Variants in CTNND1 observed in about 807,000 individuals in gnomAD.
CTNND1 encodes catenin delta 1, also known as catenin delta-1.
Under a neutral mutation model 112.1 loss-of-function variants are expected in CTNND1, and 16 were observed. The observed-to-expected ratio is 0.14, with a 90% CI of 0.10 to 0.22. The LOEUF (loss-of-function observed/expected upper bound fraction) is 0.22. CTNND1 is among the 10% of genes least tolerant of loss of function. The pLI, the probability that CTNND1 is intolerant of heterozygous loss-of-function variation, is 1.00. For synonymous variants in CTNND1, 420 were observed against 446.5 expected (o/e 0.94, Z 0.75); for missense variants, 1,008 against 1,257.0 (o/e 0.80, Z 3.00).
At chr11:57,798,482 CTT>C (rs1426745533) in intron 6 of CTNND1, among the ~76,000 whole-genome samples, 1 of 151,928 alleles carries the variant, frequency 6.6e-6, no homozygotes, top group Non-Finnish European at 1.5e-5. Context: ...TAAAAACAAA[CTT>C]TGACCTCACA....
At position 57,791,567 on chromosome 11, in the gene CTNND1, T is replaced by G; in HGVS notation, c.89T>G (p.Leu30Arg). 6.2e-7 allele frequency: 1 copy of G among 1,611,248 alleles called. No individual in the cohort carries two copies. The highest frequency in any genetic ancestry group is 8.5e-7 in the Non-Finnish European group (1 of 1,178,830). Residue 30 changes from leucine to arginine, a missense_variant, in exon 3 of 21, where the codon CTG becomes CGG. Physicochemically the swap from Leu to Arg is moderately radical, Grantham distance 102. Around this residue, in one of 5 missense-constraint regions of CTNND1, gnomAD observed 404 missense variants for 457.9 expected, o/e 0.88. Transcript: ENST00000399050. ...EAQFEKLTRA[L>R]EEERRHVSAQ... ...CAGTTTGAGAAGCTGACCCGGGCGC[T>G]GGAGGAGGAACGGCGCCACGTCTCG...
rs1180654805 is a variant in CTNND1 at position 57,761,993 on chromosome 11, C to CGAAGCCTTGGGTTT, written c.-339_-326dup. On this transcript the variant is annotated 5_prime_UTR_variant, in exon 1 of 21. Transcript: ENST00000399050. ...GGATTTGTCTTTCTCAGCACCTTGG[C>CGAAGCCTTGGGTTT]GAAGCCTTGGGTTTCTTTCTTAAAG... The CGAAGCCTTGGGTTT allele has an allele frequency of 1.7e-5, 17 of 985,288 alleles. No individual in the cohort carries two copies. Among genetic ancestry groups the CGAAGCCTTGGGTTT allele is most frequent in the Non-Finnish European group, 1.9e-5 (16 of 829,954 alleles). The allele number at this position is 985,288 out of a possible 1,614,324, so 61.0% of individuals were successfully genotyped here. A position where few individuals can be genotyped will look rare whatever the true frequency, so the allele number is the denominator to read the frequency against.
At position 57,810,178 on chromosome 11, in the gene CTNND1, G is replaced by A; in HGVS notation, c.2505G>A (p.Leu835=). ...AGACAATCTGGGGATATAAGGAACT[G>A]CGGAAGCCACTGGAAAAAGAAGGAT... ...VLQTIWGYKE[L]RKPLEKEGWK... The change falls in exon 16 of 21, where the codon CTG becomes CTA. Residue 835 remains leucine (L), a synonymous_variant. Transcript: ENST00000399050. 2 of 1,612,744 alleles carry A rather than the reference G, an allele frequency of 1.2e-6. No homozygotes were observed. Among genetic ancestry groups the A allele is most frequent in the Middle Eastern group, 1.7e-4 (1 of 6,060 alleles).
At position 57,791,505 on chromosome 11, in the gene CTNND1, C is replaced by G; in HGVS notation, c.27C>G (p.Thr9=). The change falls in exon 3 of 21, where the codon ACC becomes ACG. Residue 9 remains threonine, a synonymous_variant. Coordinates refer to ENST00000399050, the MANE Select transcript of CTNND1 (RefSeq NM_001085458.2). ...TGGACGACTCAGAGGTGGAGTCGAC[C>G]GCCAGCATCTTGGCCTCTGTGAAGG... is the stretch of plus-strand genomic sequence containing the variant. MDDSEVES[T]ASILASVKEQ... 6.4e-7 allele frequency: 1 copy of G among 1,570,724 alleles called. No homozygotes were observed. Among genetic ancestry groups the G allele is most frequent in the South Asian group, 1.2e-5 (1 of 86,130 alleles).
At chr11:57,784,069 C>T (rs1407384040) in intron 1 of CTNND1, among the ~76,000 whole-genome samples, 1 of 151,644 alleles carries the variant, frequency 6.6e-6, no homozygotes, top group Non-Finnish European at 1.5e-5. Flanking sequence ...ACAGTGTGCA[C>T]CACCATGCCC....
chr11:57,791,616 C>G lies in CTNND1; in HGVS notation c.138C>G (p.Val46=). The change falls in exon 3 of 21, where the codon GTC becomes GTG. Residue 46 remains valine, a synonymous_variant. Coordinates refer to ENST00000399050, the MANE Select transcript of CTNND1 (RefSeq NM_001085458.2). The part of the protein sequence containing the change: ...HVSAQLERVR[V]SPQDANPLMA... ...CGGCGCAGCTGGAACGCGTCCGGGT[C>G]TCACCACAAGATGCCAACCCACTCA... is the stretch of plus-strand genomic sequence containing the variant. 1.9e-6 allele frequency: 3 copies of G among 1,606,968 alleles called. No individual in the cohort carries two copies. Among genetic ancestry groups the G allele is most frequent in the Non-Finnish European group, 2.5e-6 (3 of 1,176,666 alleles).
intron 1 of CTNND1, among the ~76,000 whole-genome samples, chr11:57,772,995 A>G (rs1388743023): frequency 1.3e-5 from 2 of 152,232 alleles, no homozygotes; most frequent in African/African-American, 2.4e-5. Context: ...GCCCTCAACC[A>G]AGAAACTTTT....
chr11:57,810,556 T>C (rs2063214245), intron 16 of CTNND1, among the ~76,000 whole-genome samples: 1 of 151,904 alleles, frequency 6.6e-6, no homozygotes, highest in Non-Finnish European at 1.5e-5. Flanking sequence ...TCTTGAACTC[T>C]GAGCTTAGGC....
At position 57,804,703 on chromosome 11, in the gene CTNND1, C is replaced by G; in HGVS notation, c.1645C>G (p.Arg549Gly). The change falls in exon 9 of 21, where the codon CGG becomes GGG. Residue 549 changes from arginine (R) to glycine (G), a missense_variant. Physicochemically the swap from Arg to Gly is moderately radical, Grantham distance 125 (BLOSUM62 -2). Around this residue, in one of 5 missense-constraint regions of CTNND1, gnomAD observed 216 missense variants for 342.8 expected, o/e 0.63. Transcript: ENST00000399050. ...GAGGAGTGAAGCTCGCCGGAAACTTCGGGAATGTGATGGTTTAGTTGATGC... is the reference window on the plus strand; with the variant it reads ...GAGGAGTGAAGCTCGCCGGAAACTTGGGGAATGTGATGGTTTAGTTGATGC... Reference protein sequence around the residue: ...SERSEARRKLRECDGLVDALI... With the variant: ...SERSEARRKLGECDGLVDALI... The G allele has an allele frequency of 6.2e-7, 1 of 1,613,876 alleles. No homozygotes were observed. The highest frequency in any genetic ancestry group is 8.5e-7 in the Non-Finnish European group (1 of 1,179,862).
rs201596085 is a variant in CTNND1, at chr11:57,791,502, G to C, written c.24G>C (p.Ser8=). The C allele has an allele frequency of 5.5e-4, 853 of 1,564,438 alleles. 1 individual carries two copies. The highest frequency in any genetic ancestry group is 7.2e-4 in the Non-Finnish European group (826 of 1,154,780). Reference sequence around the variant, plus strand: ...TCATGGACGACTCAGAGGTGGAGTCGACCGCCAGCATCTTGGCCTCTGTGA... The same window carrying C: ...TCATGGACGACTCAGAGGTGGAGTCCACCGCCAGCATCTTGGCCTCTGTGA... The part of the protein sequence containing the change: MDDSEVE[S]TASILASVKE... The change falls in exon 3 of 21, where the codon TCG becomes TCC. Residue 8 remains serine (S), a synonymous_variant. Transcript: ENST00000399050.
chr11:57,792,443 A>G (rs11570189), intron 3 of CTNND1, among the ~76,000 whole-genome samples: 3 of 151,748 alleles, frequency 2.0e-5, no homozygotes, highest in Non-Finnish European at 4.4e-5. Context: ...GTGCGCGCGC[A>G]CTCGCGCATG....
chr11:57,801,962 C>T lies in CTNND1; in HGVS notation c.1186C>T (p.Arg396Cys), dbSNP rs533993840. ...AAAYLQHLCY[R>C]NDKVKTDVRK... ...TGCATACCTGCAACACTTATGCTAC[C>T]GCAATGACAAGGTGAAGACTGACGT... is the stretch of plus-strand genomic sequence containing the variant. Residue 396 changes from arginine to cysteine, a missense_variant, in exon 7 of 21, where the codon CGC (arginine) becomes TGC (cysteine). Arg to Cys is a radical substitution (Grantham distance 180, BLOSUM62 -3). Coordinates refer to ENST00000399050, the MANE Select transcript of CTNND1 (RefSeq NM_001085458.2). The T allele has an allele frequency of 1.9e-6, 3 of 1,614,024 alleles. No individual in the cohort carries two copies. Among genetic ancestry groups the T allele is most frequent in the South Asian group, 1.1e-5 (1 of 91,084 alleles).
chr11:57,805,242 TTTTG>T (rs762882935), intron 9 of CTNND1, among the ~76,000 whole-genome samples: 126 of 151,358 alleles, frequency 8.3e-4, no homozygotes, highest in Non-Finnish European at 1.3e-3. Flanking sequence ...AAAACATGTT[TTTTG>T]TTTGTTTGTT....
rs1212201045 is a variant in CTNND1 at position 57,795,680 on chromosome 11, T to C, written c.371T>C (p.Val124Ala). ...EEDPEGAMSV[V>A]SVETSDDGTT... The stretch of plus-strand genomic sequence containing the variant: ...GATCCTGAGGGAGCCATGTCTGTAG[T>C]CTCTGTGGAGACCTCAGATGATGGG... The change falls in exon 5 of 21, where the codon GTC (valine) becomes GCC (alanine). Residue 124 changes from valine (V) to alanine (A), a missense_variant. By Grantham distance (64) the Val-to-Ala change is moderately conservative. Coordinates refer to ENST00000399050, the MANE Select transcript of CTNND1 (RefSeq NM_001085458.2). The C allele has an allele frequency of 1.9e-6, 3 of 1,609,362 alleles. No individual in the cohort carries two copies. The Admixed American group carries it at 5.1e-5, about 27-fold the overall frequency.
chr11:57,809,144 C>A, intron 14 of CTNND1, 130 bp from the exon 15 acceptor site: 1 of 643,052 alleles, frequency 1.6e-6, no homozygotes, highest in South Asian at 2.2e-5. Flanking sequence ...TATGATAATC[C>A]TATAGGATAA....
chr11:57,796,345 C>T lies in CTNND1; in HGVS notation c.421-112C>T, dbSNP rs546102331. ...AGGTTGCAGGTGAGCCGAGATCACG[C>T]CATTGCACTCCAGCCAGGGCAACAG... On this transcript the variant is annotated intron_variant, in intron 5 of 20. Coordinates refer to ENST00000399050, the MANE Select transcript of CTNND1 (RefSeq NM_001085458.2). 77 of 1,027,566 alleles carry T rather than the reference C, an allele frequency of 7.5e-5. No individual in the cohort carries two copies. In the Admixed American group the frequency reaches 1.2e-3, roughly 16 times the overall value. The allele number at this position is 1,027,566 out of a possible 1,614,324, so 63.7% of individuals were successfully genotyped here. A position where few individuals can be genotyped will look rare whatever the true frequency, so the allele number is the denominator to read the frequency against.
intron 11 of CTNND1, 175 bp from the exon 12 acceptor site, chr11:57,806,740 A>G (rs989556818): frequency 6.2e-6 from 4 of 642,336 alleles, no homozygotes; most frequent in South Asian, 5.9e-5. Context: ...CCTGTTTTCT[A>G]TCCTTGTTTC....
At chr11:57,815,852 C>A in intron 19 of CTNND1, 63 bp from the exon 20 acceptor site, 3 of 1,404,556 alleles carry the variant, frequency 2.1e-6, no homozygotes, top group Non-Finnish European at 3.0e-6. Flanking sequence ...GTTTCCCTAG[C>A]TCTGGCACAC....
In CTNND1 at chr11:57,775,131, T is replaced by C. The variant is rs1333673879; in HGVS notation, c.-214+13012T>C. Among the ~76,000 whole-genome samples the C allele has an allele frequency of 2.0e-5, 3 of 152,150 alleles. 1 individual carries two copies. The East Asian group carries it at 5.8e-4, about 29-fold the overall frequency. On this transcript the variant is annotated intron_variant, in intron 1 of 20. Transcript: ENST00000399050. ...CCTAGGTGATTCTGATCATTCACGT[T>C]TGAGGATCACAAAACCTGAATATTT...
Sources: gnomAD v4.1 joint callset for allele counts (sites outside exome capture counted in the v4.1 genomes callset) on GRCh38, gnomAD v4.1.1 for gene constraint, gnomAD v4.1.1 regional missense constraint, MANE v1.5 for transcripts, NCBI Gene and HGNC (gene_info 2026-07-23, HGNC 2026-07-21) for gene names.